The following WDR47 variants were observed in gnomAD, a reference collection of about 807,000 sequenced individuals.
WDR47 encodes the protein WD repeat domain 47, also known as WD repeat-containing protein 47.
WDR47 carries 32 observed loss-of-function variants against 97.2 expected under a neutral mutation model. The observed-to-expected ratio is 0.33, with a 90% CI of 0.25 to 0.44. The LOEUF is 0.44. Ranked by LOEUF, WDR47 falls within the 20% of genes least tolerant of loss-of-function variation. WDR47 has a pLI of 1.00. For missense variants in WDR47, 782 were observed against 1,102.3 expected (o/e 0.71, Z 4.11); for synonymous variants, 375 against 373.5 (o/e 1.00, Z -0.05).
At chr1:109,023,241 C>A in intron 2 of WDR47, 114 bp downstream of exon 2, 1 of 980,056 alleles carries the variant, frequency 1.0e-6, no homozygotes, top group Non-Finnish European at 1.4e-6. Flanking sequence ...TAAAATTATA[C>A]TTACATAGCC....
intron 7 of WDR47, among the ~76,000 whole-genome samples, chr1:108,998,744 G>A (rs1213117012): frequency 6.6e-6 from 1 of 152,058 alleles, no homozygotes; most frequent in Non-Finnish European, 1.5e-5. Flanking sequence ...TTCTGTCTAT[G>A]CCCCTCAGAA....
intron 13 of WDR47, 84 bp downstream of exon 13, chr1:108,981,649 T>C (rs117418268): frequency 5.9e-6 from 8 of 1,354,190 alleles, no homozygotes; most frequent in Middle Eastern, 4.2e-4. Context: ...TTTTTTCTAT[T>C]TTTTATATTG....
intron 13 of WDR47, among the ~76,000 whole-genome samples, chr1:108,976,647 T>C (rs577924340): frequency 6.6e-6 from 1 of 152,112 alleles, no homozygotes; most frequent in African/African-American, 2.4e-5. Flanking sequence ...TTTTAAATAG[T>C]GATAAGAGTT....
intron 13 of WDR47, among the ~76,000 whole-genome samples, chr1:108,975,607 C>A (rs958658240): frequency 1.3e-5 from 2 of 150,112 alleles, no homozygotes; most frequent in African/African-American, 2.5e-5. Flanking sequence ...GGCGACAGAG[C>A]GAGACTCCAT....
intron 5 of WDR47, among the ~76,000 whole-genome samples, chr1:109,008,590 A>G (rs1040145417): frequency 6.7e-6 from 1 of 148,260 alleles, no homozygotes; most frequent in Non-Finnish European, 1.5e-5. Flanking sequence ...TGCTTTAACT[A>G]AGGATCTCCA....
chr1:109,018,856 G>A (rs959531536), intron 2 of WDR47, among the ~76,000 whole-genome samples: 2 of 151,848 alleles, frequency 1.3e-5, no homozygotes, highest in Non-Finnish European at 2.9e-5. Flanking sequence ...GATCATTTGA[G>A]CCCAGCAGTT....
Position 109,011,525 on chromosome 1 carries a change from T to G in WDR47, c.521A>C (p.Glu174Ala). 1 of 1,614,216 alleles carries G rather than the reference T, an allele frequency of 6.2e-7. No individual in the cohort carries two copies. The highest frequency in any genetic ancestry group is 8.5e-7 in the Non-Finnish European group (1 of 1,180,038). Residue 174 changes from glutamate to alanine, a missense_variant, in exon 5 of 15, where the codon GAA becomes GCA. Coordinates refer to ENST00000369962, the MANE Select transcript of WDR47 (RefSeq NM_001142551.2). Reference sequence around the variant, plus strand: ...TAGCTTCCTATCAGCAGGGATGAATTCTGCAACCATGACACAAGCCTCTTC... The same window carrying G: ...TAGCTTCCTATCAGCAGGGATGAATGCTGCAACCATGACACAAGCCTCTTC... ...CFEEACVMVA[E>A]FIPADRKLSE...
At chr1:108,990,895 G>A (rs1176351896) in intron 9 of WDR47, among the ~76,000 whole-genome samples, 3 of 152,042 alleles carry the variant, frequency 2.0e-5, no homozygotes, top group Non-Finnish European at 4.4e-5. Flanking sequence ...GTGTCCAACT[G>A]TGCTTTCTAA....
chr1:108,996,914 G>A (rs894877518), intron 7 of WDR47, among the ~76,000 whole-genome samples: 7 of 151,912 alleles, frequency 4.6e-5, no homozygotes, highest in Non-Finnish European at 7.4e-5. Context: ...GGTCAGGTTC[G>A]AGACCAGCCT....
At chr1:108,980,516 G>A (rs1360717613) in intron 13 of WDR47, among the ~76,000 whole-genome samples, 1 of 151,810 alleles carries the variant, frequency 6.6e-6, no homozygotes, top group African/African-American at 2.4e-5. Context: ...ATCACCTGAG[G>A]TCAGGAGTTT....
At chr1:109,040,627 T>A (rs1360823065) in intron 1 of WDR47, among the ~76,000 whole-genome samples, 1 of 152,212 alleles carries the variant, frequency 6.6e-6, no homozygotes, top group Admixed American at 6.5e-5. Context: ...CATTACCGTG[T>A]AATAATGTTT....
At chr1:108,979,714 C>T (rs1658193984) in intron 13 of WDR47, among the ~76,000 whole-genome samples, 1 of 152,148 alleles carries the variant, frequency 6.6e-6, no homozygotes, top group Non-Finnish European at 1.5e-5. Context: ...TATTCACATA[C>T]AAATTCTTCC....
intron 13 of WDR47, among the ~76,000 whole-genome samples, chr1:108,979,529 C>G (rs750253392): frequency 4.1e-5 from 5 of 121,588 alleles, no homozygotes; most frequent in Non-Finnish European, 9.3e-5. Context: ...TGTCTCAGAA[C>G]AAAACAAAAC....
At position 109,002,351 on chromosome 1, in the gene WDR47, A is replaced by G; in HGVS notation, c.1306T>C (p.Tyr436His). Residue 436 changes from tyrosine (Y) to histidine (H), a missense_variant, in exon 7 of 15, where the codon TAT becomes CAT. Physicochemically the swap from Tyr to His is moderately conservative, Grantham distance 83. Coordinates refer to ENST00000369962, the MANE Select transcript of WDR47 (RefSeq NM_001142551.2). ...FQEYYRQRLR[Y>H]QQHLEQKEQQ... ...TCCTTCTGTTCTAAATGCTGTTGATAGCGTAATCTTTGCCTATAATATTCT... is the reference window on the plus strand; with the variant it reads ...TCCTTCTGTTCTAAATGCTGTTGATGGCGTAATCTTTGCCTATAATATTCT... The G allele has an allele frequency of 6.2e-7, 1 of 1,611,844 alleles. No individual in the cohort carries two copies. Among genetic ancestry groups the G allele is most frequent in the Non-Finnish European group, 8.5e-7 (1 of 1,179,584 alleles).
chr1:109,026,049 TC>T (rs1421935582), intron 1 of WDR47, among the ~76,000 whole-genome samples: 1 of 148,288 alleles, frequency 6.7e-6, no homozygotes, highest in East Asian at 1.9e-4. Context: ...CTCACTAAAT[TC>T]TTTTTTTTTT....
intron 1 of WDR47, chr1:109,025,138 T>C (rs1246650952): frequency 6.6e-6 from 1 of 151,924 alleles, no homozygotes; most frequent in Non-Finnish European, 1.5e-5. Flanking sequence ...ATGAGTACAT[T>C]TTCTCCCTCA....
intron 9 of WDR47, among the ~76,000 whole-genome samples, chr1:108,990,886 T>C (rs1479775114): frequency 6.6e-6 from 1 of 152,158 alleles, no homozygotes; most frequent in East Asian, 1.9e-4. Flanking sequence ...CACTCCCACG[T>C]GTCCAACTGT....
chr1:109,033,139 C>A (rs1662715066), intron 1 of WDR47, among the ~76,000 whole-genome samples: 1 of 151,660 alleles, frequency 6.6e-6, no homozygotes, highest in Non-Finnish European at 1.5e-5. Context: ...ACTAAAAATA[C>A]AAAAATTAGC....
chr1:108,992,867 GA>G lies in WDR47; in HGVS notation c.1692-1539del, dbSNP rs71593457. On this transcript the variant is annotated intron_variant, in intron 8 of 14. Coordinates refer to ENST00000369962, the MANE Select transcript of WDR47 (RefSeq NM_001142551.2). The stretch of plus-strand genomic sequence containing the variant: ...GCATTAAAATAAATGTAATTAAAAG[GA>G]AAAAAAAAAGTAAATCCATAGAAAA... 3,102 of 1,199,364 alleles carry G rather than the reference GA, an allele frequency of 2.6e-3. 10 individuals carry two copies. The highest frequency in any genetic ancestry group is 0.023 in the African/African-American group (1,428 of 63,310). 74.3% of individuals were successfully genotyped at this position (1,199,364 alleles called of 1,614,324 possible).
Sources: gnomAD v4.1 joint callset for allele counts (sites outside exome capture counted in the v4.1 genomes callset) on GRCh38, gnomAD v4.1.1 for gene constraint, MANE v1.5 for transcripts, NCBI Gene and HGNC (gene_info 2026-07-23, HGNC 2026-07-21) for gene names.